The following SPICE1 variants were observed in gnomAD, a reference collection of about 807,000 sequenced individuals.
SPICE1 encodes spindle and centriole associated protein 1, also known as spindle and centriole-associated protein 1.
SPICE1 carries 75 observed loss-of-function variants against 102.7 expected under a neutral mutation model. The observed-to-expected ratio is 0.73, with a 90% CI of 0.61 to 0.88. SPICE1 has a LOEUF of 0.88. Ranked by LOEUF, SPICE1 falls within the 40% of genes least tolerant of loss-of-function variation. SPICE1 has a pLI of 0.00. For missense variants in SPICE1, 979 were observed against 1,020.1 expected, an observed-to-expected ratio of 0.96 and a Z score of 0.55; for synonymous variants, 308 against 350.3, an observed-to-expected ratio of 0.88 and a Z score of 1.35.
rs139181740 is a variant in SPICE1 at position 113,460,374 on chromosome 3, C to T, written c.1435+243G>A. On this transcript the variant is annotated intron_variant, in intron 12 of 17. Coordinates refer to ENST00000295872, the MANE Select transcript of SPICE1 (RefSeq NM_144718.4). ...ATAACACCAATGGGGATAACAATAA[C>T]ACCTACCTCATCAGACTATTATGAC... 25 of 915,518 alleles carry T rather than the reference C, an allele frequency of 2.7e-5. No homozygotes were observed. The African/African-American group carries it at 3.8e-4, about 14-fold the overall frequency. 56.7% of individuals were successfully genotyped at this position (915,518 alleles called of 1,614,324 possible).
chr3:113,470,632 C>G lies in SPICE1; in HGVS notation c.612-1394G>C, dbSNP rs1936172921. Among the ~76,000 whole-genome samples, 3 of 152,304 alleles carry G rather than the reference C, an allele frequency of 2.0e-5. No individual in the cohort carries two copies. The South Asian group carries it at 6.2e-4, about 32-fold the overall frequency. ...AACCATCATTCTACTCTCTATCTTCCTAAGTTCAACTGTTTTAATTTTTAG... is the reference window on the plus strand; with the variant it reads ...AACCATCATTCTACTCTCTATCTTCGTAAGTTCAACTGTTTTAATTTTTAG... On this transcript the variant is annotated intron_variant, in intron 7 of 17. Coordinates refer to ENST00000295872, the MANE Select transcript of SPICE1 (RefSeq NM_144718.4).
chr3:113,461,891 A>G (rs1172498153), intron 11 of SPICE1, among the ~76,000 whole-genome samples: 1 of 152,092 alleles, frequency 6.6e-6, no homozygotes, highest in East Asian at 1.9e-4. Flanking sequence ...TTTTTTCCCA[A>G]ATTTCACACT....
intron 7 of SPICE1, among the ~76,000 whole-genome samples, chr3:113,486,568 CAACT>C (rs1412938707): frequency 6.6e-6 from 1 of 151,104 alleles, no homozygotes; most frequent in East Asian, 1.9e-4. Context: ...TAGTACTATC[CAACT>C]GTTTCATTTT....
intron 7 of SPICE1, among the ~76,000 whole-genome samples, chr3:113,488,431 AAAT>A (rs1283998745): frequency 6.6e-6 from 1 of 152,196 alleles, no homozygotes; most frequent in Admixed American, 6.5e-5. Flanking sequence ...CACACAAAAA[AAAT>A]AATAATGTAT....
At chr3:113,474,130 T>G (rs1475925659) in intron 7 of SPICE1, among the ~76,000 whole-genome samples, 4 of 151,530 alleles carry the variant, frequency 2.6e-5, no homozygotes, top group East Asian at 3.9e-4. Flanking sequence ...AGGCAGGGGT[T>G]GCAATCCTAG....
chr3:113,499,648 T>A (rs1453072193), intron 3 of SPICE1, 66 bp from the exon 4 acceptor site: 2 of 1,437,482 alleles, frequency 1.4e-6, no homozygotes, highest in Non-Finnish European at 1.9e-6. Flanking sequence ...ATTCAGATGA[T>A]GAGATCACCT....
chr3:113,463,685 A>G (rs572430066), intron 11 of SPICE1, among the ~76,000 whole-genome samples: 1 of 152,384 alleles, frequency 6.6e-6, no homozygotes, highest in East Asian at 1.9e-4. Context: ...TTTCTATGTA[A>G]TATCTATATT....
chr3:113,443,780 C>T lies in SPICE1; in HGVS notation c.*1527G>A, dbSNP rs1935449784. On this transcript the variant is annotated 3_prime_UTR_variant, in exon 18 of 18. Coordinates refer to ENST00000295872, the MANE Select transcript of SPICE1 (RefSeq NM_144718.4). ...AAAATACCTCCTTGTACCTCAGTTT[C>T]CTCATCTGCAAAATGAGGATAATAG... 1 of 152,184 alleles carries T rather than the reference C, an allele frequency of 6.6e-6. No individual in the cohort carries two copies. 9.4% of individuals were successfully genotyped at this position (152,184 alleles called of 1,614,324 possible).
chr3:113,514,002 A>T (rs1239428528), intron 1 of SPICE1, among the ~76,000 whole-genome samples: 1 of 152,262 alleles, frequency 6.6e-6, no homozygotes, highest in Non-Finnish European at 1.5e-5. Context: ...AACTCTATGC[A>T]GTAAGTAAAA....
rs148983792 is a variant in SPICE1, at chr3:113,469,134, G to A, written c.716C>T (p.Thr239Met). The A allele has an allele frequency of 7.4e-5, 119 of 1,613,324 alleles. No homozygotes were observed. The highest frequency in any genetic ancestry group is 6.5e-4 in the African/African-American group (49 of 74,964). ...ATQSQITPPG[T>M]PSSALSSGEQ... The stretch of plus-strand genomic sequence containing the variant: ...CCCTGATGAAAGAGCAGATGATGGC[G>A]TTCCTGGAGGAGTTATTTGTGACTG... Residue 239 changes from threonine (T) to methionine (M), a missense_variant, in exon 8 of 18, where the codon ACG (threonine) becomes ATG (methionine). By Grantham distance (81) the Thr-to-Met change is moderately conservative. Transcript: ENST00000295872.
intron 11 of SPICE1, among the ~76,000 whole-genome samples, chr3:113,463,883 A>G (rs1277895760): frequency 1.3e-5 from 2 of 152,174 alleles, no homozygotes; most frequent in Non-Finnish European, 2.9e-5. Context: ...CCTGGCTAAC[A>G]CGGTGAAACC....
chr3:113,449,774 G>A (rs1935603027), intron 15 of SPICE1: 1 of 154,284 alleles, frequency 6.5e-6, no homozygotes, highest in African/African-American at 2.4e-5. Context: ...GCTGTCCCTT[G>A]AGGGCCTTAA....
chr3:113,484,849 G>C (rs1404207443), intron 7 of SPICE1, among the ~76,000 whole-genome samples: 1 of 152,104 alleles, frequency 6.6e-6, no homozygotes, highest in Non-Finnish European at 1.5e-5. Context: ...TGTTGATTTG[G>C]GGTGGAGAGT....
At chr3:113,463,585 A>G (rs1251857932) in intron 11 of SPICE1, among the ~76,000 whole-genome samples, 1 of 152,272 alleles carries the variant, frequency 6.6e-6, no homozygotes, top group African/African-American at 2.4e-5. Flanking sequence ...ATTGGGCAAT[A>G]CAAAGGAATG....
intron 7 of SPICE1, among the ~76,000 whole-genome samples, chr3:113,481,872 A>C (rs1466019807): frequency 6.6e-6 from 1 of 152,176 alleles, no homozygotes; most frequent in Non-Finnish European, 1.5e-5. Flanking sequence ...TGATGCAATA[A>C]ACATATGTGT....
In SPICE1 at chr3:113,489,046, A is replaced by G. The variant is rs545380534; in HGVS notation, c.510T>C (p.Asp170=). ...TATTAACAGTTCCTTCTTCTTCACC[A>G]TCTACATCATTAAGAGCCTGTCTCA... ...VIEPQALNDV[D]GEEEGTVNSQ... Residue 170 remains aspartate (D), a synonymous_variant, in exon 7 of 18, where the codon GAT becomes GAC. Coordinates refer to ENST00000295872, the MANE Select transcript of SPICE1 (RefSeq NM_144718.4). 1.9e-6 allele frequency: 3 copies of G among 1,608,358 alleles called. No individual in the cohort carries two copies. Among genetic ancestry groups the G allele is most frequent in the Admixed American group, 3.3e-5 (2 of 60,002 alleles).
chr3:113,490,948 T>G (rs1936750951), intron 6 of SPICE1, among the ~76,000 whole-genome samples: 1 of 152,188 alleles, frequency 6.6e-6, no homozygotes, highest in Admixed American at 6.5e-5. Flanking sequence ...ACTTCTAAGA[T>G]GCCCACCTAA....
intron 7 of SPICE1, among the ~76,000 whole-genome samples, chr3:113,478,943 AT>A (rs1045520913): frequency 8.6e-5 from 13 of 151,910 alleles, no homozygotes; most frequent in African/African-American, 2.4e-4. Context: ...GGCTCTGGAA[AT>A]TTTTTTTTAA....
chr3:113,503,046 T>C, intron 3 of SPICE1, 134 bp downstream of exon 3: 2 of 865,316 alleles, frequency 2.3e-6, no homozygotes, highest in Non-Finnish European at 3.5e-6. Context: ...GTTTTGATTT[T>C]ATATAGACAT....
Sources: gnomAD v4.1 joint callset for allele counts (sites outside exome capture counted in the v4.1 genomes callset) on GRCh38, gnomAD v4.1.1 for gene constraint, MANE v1.5 for transcripts, NCBI Gene and HGNC (gene_info 2026-07-23, HGNC 2026-07-21) for gene names.